Variants in SEMA3A observed in about 807,000 individuals in gnomAD.
SEMA3A encodes the protein semaphorin 3A, also known as semaphorin-3A.
A neutral mutation model predicts 97.9 loss-of-function variants in SEMA3A; 29 were observed. That is an observed-to-expected ratio of 0.30 (90% CI 0.22 to 0.40). The LOEUF (loss-of-function observed/expected upper bound fraction) is 0.40, where lower values mean the gene tolerates loss of function less well. Among genes scored for constraint, SEMA3A ranks in the 10% least tolerant of loss-of-function variants. SEMA3A has a pLI of 1.00. For synonymous variants in SEMA3A, 321 were observed against 323.7 expected, an observed-to-expected ratio of 0.99 and a Z score of 0.09; for missense variants, 763 against 951.3, an observed-to-expected ratio of 0.80 and a Z score of 2.60.
At chr7:84,336,899 CTT>C (rs1802049585) in intron 2 of SEMA3A, among the ~76,000 whole-genome samples, 1 of 152,090 alleles carries the variant, frequency 6.6e-6, no homozygotes, top group Admixed American at 6.6e-5. Context: ...GGAAGTCTAA[CTT>C]AAATATAATT....
chr7:83,990,755 T>A (rs1168135990), intron 12 of SEMA3A, among the ~76,000 whole-genome samples: 1 of 100,790 alleles, frequency 9.9e-6, no homozygotes, highest in Admixed American at 1.1e-4. Flanking sequence ...GGTAGTGTGA[T>A]GCCTCCAGCT....
chr7:84,339,081 G>A (rs1343804628), intron 2 of SEMA3A, among the ~76,000 whole-genome samples: 1 of 152,078 alleles, frequency 6.6e-6, no homozygotes, highest in Non-Finnish European at 1.5e-5. Context: ...ATAATTTAGT[G>A]CCAGGAATTG....
At chr7:84,038,835 A>G (rs987453393) in intron 6 of SEMA3A, among the ~76,000 whole-genome samples, 1 of 152,182 alleles carries the variant, frequency 6.6e-6, no homozygotes, top group Non-Finnish European at 1.5e-5. Flanking sequence ...TTTCATTACA[A>G]TTTAGCCTTG....
At chr7:84,260,630 G>A (rs1584178744) in intron 3 of SEMA3A, among the ~76,000 whole-genome samples, 1 of 152,292 alleles carries the variant, frequency 6.6e-6, no homozygotes, top group East Asian at 1.9e-4. Flanking sequence ...CAACACAGTT[G>A]GATGTGAGTG....
Position 84,060,563 on chromosome 7 carries a change from G to A in SEMA3A, c.454-5C>T. The stretch of plus-strand genomic sequence containing the variant: ...CTCCAGCTTAAAAATATTGTCCTGT[G>A]GATTTAAAAAAGAAAGAGAAAAGGG... On this transcript the variant is annotated splice_region_variant and splice_polypyrimidine_tract_variant and intron_variant, in intron 4 of 16. Coordinates refer to ENST00000265362, the MANE Select transcript of SEMA3A (RefSeq NM_006080.3). 3 of 1,543,186 alleles carry A rather than the reference G, an allele frequency of 1.9e-6. No homozygotes were observed. The highest frequency in any genetic ancestry group is 1.7e-4 in the Middle Eastern group (1 of 5,812).
chr7:84,009,917 A>AAAAAAAAAC lies in SEMA3A; in HGVS notation c.995+1104_995+1105insGTTTTTTTT, dbSNP rs1554393288. ...TTGACACTGGTTACAAAAAAAAAAA[A>AAAAAAAAAC]AAAAAAAAAAACCCAGTCATAATGT... On this transcript the variant is annotated intron_variant, in intron 9 of 16. Coordinates refer to ENST00000265362, the MANE Select transcript of SEMA3A (RefSeq NM_006080.3). 2.0e-3 allele frequency among the ~76,000 whole-genome samples: 292 copies of AAAAAAAAAC among 149,414 alleles called. 1 individual carries two copies. The highest frequency in any genetic ancestry group is 6.9e-3 in the African/African-American group (273 of 39,460).
chr7:84,215,690 C>T (rs892995795), intron 3 of SEMA3A, among the ~76,000 whole-genome samples: 1 of 152,138 alleles, frequency 6.6e-6, no homozygotes, highest in African/African-American at 2.4e-5. Context: ...CTGTTTTATT[C>T]CATATTCCTA....
At position 84,140,075 on chromosome 7, in the gene SEMA3A, G is replaced by C. The variant is rs149083032; in HGVS notation, c.113-5124C>G. Among the ~76,000 whole-genome samples, 44 of 152,092 alleles carry C rather than the reference G, an allele frequency of 2.9e-4. 1 individual carries two copies. The highest frequency in any genetic ancestry group is 6.8e-3 in the Middle Eastern group (2 of 294). ...ATATTAATGGTTGTTTTATAAACTA[G>C]TGTTCTTCTCATGCATGTGTTTTGT... On this transcript the variant is annotated intron_variant, in intron 1 of 16. Transcript: ENST00000265362.
intron 3 of SEMA3A, among the ~76,000 whole-genome samples, chr7:84,298,000 T>C (rs1036909224): frequency 2.6e-5 from 4 of 152,170 alleles, no homozygotes; most frequent in African/African-American, 9.7e-5. Context: ...ATTAAACCTC[T>C]TACTAAAACT....
intron 1 of SEMA3A, among the ~76,000 whole-genome samples, chr7:84,448,038 G>T (rs1805467454): frequency 6.6e-6 from 1 of 152,226 alleles, no homozygotes; most frequent in Non-Finnish European, 1.5e-5. Flanking sequence ...CGGTGTGCCT[G>T]GCTGTGGTGT....
In SEMA3A at chr7:84,107,146, C is replaced by T. The variant is rs114609343; in HGVS notation, c.453+3324G>A. Among the ~76,000 whole-genome samples, 1,288 of 152,198 alleles carry T rather than the reference C, an allele frequency of 8.5e-3. 18 individuals carry two copies. Among genetic ancestry groups the T allele is most frequent in the African/African-American group, 0.026 (1,084 of 41,544 alleles). On this transcript the variant is annotated intron_variant, in intron 4 of 16. Transcript: ENST00000265362. ...ATAATCCTGGCCTCTGTTTCGATTG[C>T]TATTTTATTTCTCACTCTCCCGATC... is the stretch of plus-strand genomic sequence containing the variant.
At chr7:84,009,890 G>A (rs1274194945) in intron 9 of SEMA3A, among the ~76,000 whole-genome samples, 1 of 86,040 alleles carries the variant, frequency 1.2e-5, no homozygotes, top group African/African-American at 4.9e-5. Context: ...TTAAGTTTGA[G>A]TTTGACACTG....
intron 6 of SEMA3A, among the ~76,000 whole-genome samples, chr7:84,040,016 T>C (rs538639296): frequency 1.3e-5 from 2 of 152,172 alleles, no homozygotes; most frequent in African/African-American, 4.8e-5. Flanking sequence ...AACACATATT[T>C]TATCAACATG....
chr7:84,213,988 T>A (rs553072149), intron 3 of SEMA3A, among the ~76,000 whole-genome samples: 1 of 152,194 alleles, frequency 6.6e-6, no homozygotes, highest in Non-Finnish European at 1.5e-5. Flanking sequence ...GAAGAGAATA[T>A]GATAGTTATG....
chr7:84,300,163 G>T (rs1048411685), intron 3 of SEMA3A, among the ~76,000 whole-genome samples: 5 of 143,022 alleles, frequency 3.5e-5, no homozygotes, highest in African/African-American at 7.8e-5. Context: ...AAATAAAATA[G>T]AAAAAAAAAC....
intron 1 of SEMA3A, among the ~76,000 whole-genome samples, chr7:84,424,341 A>G (rs1423776526): frequency 7.1e-6 from 1 of 141,676 alleles, no homozygotes; most frequent in Non-Finnish European, 1.5e-5. Context: ...GATATACAAT[A>G]AATATTATAT....
intron 3 of SEMA3A, among the ~76,000 whole-genome samples, chr7:84,237,946 T>C (rs1799273885): frequency 6.6e-6 from 1 of 152,096 alleles, no homozygotes. Context: ...AAGAAGACAG[T>C]ACTATCATAG....
intron 12 of SEMA3A, among the ~76,000 whole-genome samples, chr7:83,987,993 G>A (rs1789707970): frequency 6.6e-6 from 1 of 152,124 alleles, no homozygotes; most frequent in Non-Finnish European, 1.5e-5. Flanking sequence ...ACACTTTTCT[G>A]TATCCATAAC....
chr7:84,284,704 G>T (rs1194867403), intron 3 of SEMA3A, among the ~76,000 whole-genome samples: 1 of 152,068 alleles, frequency 6.6e-6, no homozygotes, highest in Non-Finnish European at 1.5e-5. Flanking sequence ...CTTTTCAAAG[G>T]TATTGATAAC....
Sources: gnomAD v4.1 joint callset for allele counts (sites outside exome capture counted in the v4.1 genomes callset) on GRCh38, gnomAD v4.1.1 for gene constraint, MANE v1.5 for transcripts, NCBI Gene and HGNC (gene_info 2026-07-23, HGNC 2026-07-21) for gene names.